The following IL1RAPL2 variants were observed in gnomAD, a reference collection of about 807,000 sequenced individuals.
The protein encoded by IL1RAPL2 is interleukin 1 receptor accessory protein like 2, also known as X-linked interleukin-1 receptor accessory protein-like 2.
In IL1RAPL2, 3 loss-of-function variants were observed where a neutral mutation model predicts 44.1. The ratio of observed to expected loss-of-function variants is 0.07; its 90% CI spans 0.03 to 0.18. The LOEUF (loss-of-function observed/expected upper bound fraction) is 0.18, where lower values mean the gene tolerates loss of function less well. Ranked by LOEUF, IL1RAPL2 falls within the 10% of genes least tolerant of loss-of-function variation. The pLI is 1.00. For synonymous variants in IL1RAPL2, 181 were observed against 178.8 expected, an observed-to-expected ratio of 1.01 and a Z score of -0.10; for missense variants, 391 against 496.4, an observed-to-expected ratio of 0.79 and a Z score of 2.02.
chrX:104,855,635 G>T (rs1470082144), intron 2 of IL1RAPL2, among the ~76,000 whole-genome samples: 1 of 103,807 alleles, frequency 9.6e-6, no homozygotes, highest in African/African-American at 3.5e-5. Flanking sequence ...CTACCACTAT[G>T]GTACCTTGAG....
intron 2 of IL1RAPL2, among the ~76,000 whole-genome samples, chrX:105,122,985 C>G (rs916397146): frequency 9.0e-6 from 1 of 111,519 alleles, no homozygotes; most frequent in African/African-American, 3.3e-5. Flanking sequence ...AAATTGTAAA[C>G]TTTATACCCA....
chrX:105,030,857 G>A (rs925390384), intron 2 of IL1RAPL2, among the ~76,000 whole-genome samples: 1 of 111,644 alleles, frequency 9.0e-6, no homozygotes, highest in Admixed American at 9.6e-5. Context: ...TCACGATATT[G>A]ATTCTTCCTA....
chrX:105,005,008 AC>A (rs2030916381), intron 2 of IL1RAPL2, among the ~76,000 whole-genome samples: 1 of 110,947 alleles, frequency 9.0e-6, no homozygotes, highest in Non-Finnish European at 1.9e-5. Flanking sequence ...TAAATCCCCC[AC>A]GTATGTTCTA....
chrX:104,681,675 GACTT>G (rs1429019168), intron 2 of IL1RAPL2, among the ~76,000 whole-genome samples: 1 of 112,624 alleles, frequency 8.9e-6, no homozygotes, highest in Non-Finnish European at 1.9e-5. Flanking sequence ...GTAGGTTAGA[GACTT>G]ACTTACCTAA....
chrX:105,058,968 T>C (rs1161480320), intron 2 of IL1RAPL2, among the ~76,000 whole-genome samples: 1 of 111,668 alleles, frequency 9.0e-6, no homozygotes, highest in African/African-American at 3.3e-5. Flanking sequence ...CAAAAATCCA[T>C]GTATAACTTA....
intron 2 of IL1RAPL2, among the ~76,000 whole-genome samples, chrX:104,790,015 G>T (rs779954792): frequency 8.9e-6 from 1 of 112,385 alleles, no homozygotes; most frequent in Non-Finnish European, 1.9e-5. Flanking sequence ...CAGACTGCTT[G>T]ATTTGTCACT....
At chrX:105,302,796 C>T (rs1010713443) in intron 5 of IL1RAPL2, among the ~76,000 whole-genome samples, 2 of 111,849 alleles carry the variant, frequency 1.8e-5, no homozygotes, top group Non-Finnish European at 3.8e-5. Context: ...GCTGTAAGCT[C>T]AGCACAGAAC....
intron 1 of IL1RAPL2, among the ~76,000 whole-genome samples, chrX:104,581,807 G>T (rs1472168588): frequency 2.7e-5 from 3 of 111,179 alleles, no homozygotes; most frequent in South Asian, 3.8e-4. Context: ...GGGATTATAG[G>T]TGTGAGCCAC....
intron 2 of IL1RAPL2, among the ~76,000 whole-genome samples, chrX:105,069,580 G>GTT (rs1437693020): frequency 1.8e-5 from 2 of 111,670 alleles, no homozygotes. Flanking sequence ...CTTTATCTTT[G>GTT]TTATATATTT....
intron 5 of IL1RAPL2, among the ~76,000 whole-genome samples, chrX:105,449,926 G>A (rs926014762): frequency 3.6e-5 from 4 of 111,904 alleles, no homozygotes; most frequent in African/African-American, 1.3e-4. Context: ...CAATGGGTCA[G>A]ATCTGAAGCC....
chrX:104,569,457 C>G (rs1469114660), intron 1 of IL1RAPL2, among the ~76,000 whole-genome samples: 1 of 111,668 alleles, frequency 9.0e-6, no homozygotes, highest in Non-Finnish European at 1.9e-5. Flanking sequence ...CAATAACTGG[C>G]AATAGAGTCC....
intron 5 of IL1RAPL2, among the ~76,000 whole-genome samples, chrX:105,467,247 T>C (rs774012250): frequency 8.9e-6 from 1 of 111,986 alleles, no homozygotes; most frequent in Admixed American, 9.5e-5. Flanking sequence ...AGTGATTTGT[T>C]TGGCATTCTG....
At chrX:105,127,840 CA>C (rs1449790186) in intron 2 of IL1RAPL2, among the ~76,000 whole-genome samples, 2 of 110,286 alleles carry the variant, frequency 1.8e-5, no homozygotes, top group African/African-American at 3.3e-5. Context: ...AAGAGACAGA[CA>C]AATGAAAAAA....
chrX:104,761,383 C>A (rs939664580), intron 2 of IL1RAPL2, among the ~76,000 whole-genome samples: 1 of 110,575 alleles, frequency 9.0e-6, no homozygotes, highest in African/African-American at 3.3e-5. Context: ...GGTAACAGCC[C>A]CCATGATTTA....
intron 2 of IL1RAPL2, among the ~76,000 whole-genome samples, chrX:104,669,873 T>C (rs1001083702): frequency 9.0e-6 from 1 of 111,701 alleles, no homozygotes; most frequent in Admixed American, 9.5e-5. Context: ...GTGTACCCCA[T>C]CTTAGTTAAA....
chrX:105,544,383 TAA>T (rs1488088391), intron 6 of IL1RAPL2, among the ~76,000 whole-genome samples: 2 of 111,615 alleles, frequency 1.8e-5, no homozygotes, highest in African/African-American at 6.5e-5. Context: ...CTGAATGTCT[TAA>T]GTTTTTTCCT....
intron 7 of IL1RAPL2, among the ~76,000 whole-genome samples, chrX:105,733,721 G>T (rs2038424094): frequency 9.1e-6 from 1 of 110,236 alleles, no homozygotes; most frequent in Admixed American, 9.7e-5. Flanking sequence ...GATATATGTT[G>T]TCCACTATTT....
intron 2 of IL1RAPL2, among the ~76,000 whole-genome samples, chrX:105,096,768 G>A (rs1030421089): frequency 1.1e-4 from 12 of 111,674 alleles, no homozygotes; most frequent in African/African-American, 3.9e-4. Flanking sequence ...TTTAAATAGA[G>A]GTGATAACTG....
intron 2 of IL1RAPL2, among the ~76,000 whole-genome samples, chrX:104,896,577 A>G (rs1378141812): frequency 9.0e-6 from 1 of 111,402 alleles, no homozygotes; most frequent in Non-Finnish European, 1.9e-5. Context: ...TAAACACACC[A>G]ATCAGTGCTC....
Sources: gnomAD v4.1 joint callset for allele counts (sites outside exome capture counted in the v4.1 genomes callset) on GRCh38, gnomAD v4.1.1 for gene constraint, MANE v1.5 for transcripts, NCBI Gene and HGNC (gene_info 2026-07-23, HGNC 2026-07-21) for gene names.